SDK1: variants seen among roughly 807,000 people sequenced by gnomAD.
SDK1 encodes the protein sidekick cell adhesion molecule 1, also known as protein sidekick-1.
A neutral mutation model predicts 245.5 loss-of-function variants in SDK1; 157 were observed. That is an observed-to-expected ratio of 0.64 (90% CI 0.56 to 0.73). SDK1 has a LOEUF of 0.73. Ranked by LOEUF, SDK1 falls within the 30% of genes least tolerant of loss-of-function variation. The pLI is 0.00. For missense variants in SDK1, 3,583 were observed against 3,002.3 expected (o/e 1.19, Z -4.52); for synonymous variants, 1,647 against 1,278.5 (o/e 1.29, Z -6.15).
At chr7:3,307,286 A>G (rs1035387016) in intron 1 of SDK1, among the ~76,000 whole-genome samples, 2 of 152,042 alleles carry the variant, frequency 1.3e-5, no homozygotes, top group Non-Finnish European at 2.9e-5. Flanking sequence ...CTGAGGGAGG[A>G]CATATTTTGT....
chr7:3,688,150 C>T (rs1784345000), intron 4 of SDK1, among the ~76,000 whole-genome samples: 1 of 152,208 alleles, frequency 6.6e-6, no homozygotes, highest in African/African-American at 2.4e-5. Context: ...TTTCTGGGTG[C>T]TATAAAGACA....
chr7:4,017,401 T>G, intron 17 of SDK1, 49 bp downstream of exon 17: 4 of 1,538,664 alleles, frequency 2.6e-6, no homozygotes, highest in Non-Finnish European at 3.5e-6. Context: ...TGCCGGGGAA[T>G]GGGATTTGCA....
At chr7:3,666,559 C>G (rs973103533) in intron 4 of SDK1, among the ~76,000 whole-genome samples, 2 of 152,186 alleles carry the variant, frequency 1.3e-5, no homozygotes, top group Non-Finnish European at 2.9e-5. Flanking sequence ...GTCTTGTCTG[C>G]CGTGTGCTGC....
At chr7:3,899,476 G>C (rs1007814939) in intron 5 of SDK1, among the ~76,000 whole-genome samples, 3 of 152,208 alleles carry the variant, frequency 2.0e-5, no homozygotes, top group African/African-American at 7.2e-5. Flanking sequence ...TGTCTAGGAA[G>C]GGGGAGCAGT....
At chr7:4,117,505 C>G (rs1783789476) in intron 25 of SDK1, among the ~76,000 whole-genome samples, 1 of 152,160 alleles carries the variant, frequency 6.6e-6, no homozygotes, top group South Asian at 2.1e-4. Flanking sequence ...CATCAACACA[C>G]TCATAAGAAA....
At chr7:3,727,189 C>G (rs1397598125) in intron 4 of SDK1, among the ~76,000 whole-genome samples, 1 of 152,222 alleles carries the variant, frequency 6.6e-6, no homozygotes, top group African/African-American at 2.4e-5. Flanking sequence ...GCAAAAGTAT[C>G]ACTCACTGAT....
In SDK1 at chr7:3,935,569, T is replaced by G. The variant is rs915937373; in HGVS notation, c.848-15354T>G. Reference sequence around the variant, plus strand: ...GCTGATTTAAAAATGGGCAAAGAACTGGAATAGGCATTTCTCCAAAGAAGA... The same window carrying G: ...GCTGATTTAAAAATGGGCAAAGAACGGGAATAGGCATTTCTCCAAAGAAGA... On this transcript the variant is annotated intron_variant, in intron 5 of 44. Transcript: ENST00000404826. 2.0e-5 allele frequency among the ~76,000 whole-genome samples: 3 copies of G among 152,242 alleles called. No homozygotes were observed. In the East Asian group the frequency reaches 5.8e-4, roughly 29 times the overall value.
chr7:3,311,212 T>A (rs1249788930), intron 1 of SDK1, among the ~76,000 whole-genome samples: 1 of 151,830 alleles, frequency 6.6e-6, no homozygotes, highest in Non-Finnish European at 1.5e-5. Context: ...GTGATGGAGA[T>A]GAGTTAGGGA....
At chr7:3,441,393 A>C (rs1387478803) in intron 1 of SDK1, among the ~76,000 whole-genome samples, 1 of 152,026 alleles carries the variant, frequency 6.6e-6, no homozygotes, top group Non-Finnish European at 1.5e-5. Context: ...AAAAAAACAA[A>C]AAACAAACAA....
chr7:3,914,312 G>A (rs1216658105), intron 5 of SDK1, among the ~76,000 whole-genome samples: 1 of 152,306 alleles, frequency 6.6e-6, no homozygotes, highest in East Asian at 1.9e-4. Flanking sequence ...TTTTCAATGT[G>A]TATAATATTC....
At chr7:4,079,895 C>A (rs1439115661) in intron 22 of SDK1, among the ~76,000 whole-genome samples, 1 of 152,178 alleles carries the variant, frequency 6.6e-6, no homozygotes, top group Non-Finnish European at 1.5e-5. Context: ...TTCTATATCA[C>A]AATTAGCTAC....
intron 2 of SDK1, among the ~76,000 whole-genome samples, chr7:3,625,056 T>TTA (rs1376920570): frequency 1.3e-5 from 2 of 151,920 alleles, no homozygotes; most frequent in Admixed American, 1.3e-4. Context: ...AAAAATTAAA[T>TTA]TATATATATA....
intron 4 of SDK1, among the ~76,000 whole-genome samples, chr7:3,726,961 C>A (rs975444522): frequency 1.3e-5 from 2 of 152,228 alleles, no homozygotes; most frequent in African/African-American, 2.4e-5. Flanking sequence ...CCATTTATTG[C>A]ATACTAATCA....
intron 4 of SDK1, among the ~76,000 whole-genome samples, chr7:3,685,446 A>G (rs1010348237): frequency 1.3e-5 from 2 of 152,196 alleles, no homozygotes; most frequent in Non-Finnish European, 1.5e-5. Flanking sequence ...AACCTGTCCT[A>G]TTGGGGAAGA....
chr7:3,489,536 C>T (rs1305064699), intron 1 of SDK1, among the ~76,000 whole-genome samples: 2 of 152,162 alleles, frequency 1.3e-5, no homozygotes, highest in African/African-American at 2.4e-5. Context: ...GTTCTTCCAG[C>T]ACTGAGTGCT....
At chr7:3,550,821 A>G (rs942711378) in intron 1 of SDK1, among the ~76,000 whole-genome samples, 2 of 152,244 alleles carry the variant, frequency 1.3e-5, no homozygotes, top group South Asian at 2.1e-4. Context: ...TCATGTTTTG[A>G]TATTTCTAGA....
chr7:3,739,746 G>T (rs533626199), intron 4 of SDK1, among the ~76,000 whole-genome samples: 1 of 151,950 alleles, frequency 6.6e-6, no homozygotes, highest in African/African-American at 2.4e-5. Context: ...TTTCTGTAAA[G>T]TCTAGCATAC....
intron 4 of SDK1, among the ~76,000 whole-genome samples, chr7:3,732,342 C>T (rs1217521781): frequency 6.6e-6 from 1 of 152,074 alleles, no homozygotes; most frequent in African/African-American, 2.4e-5. Context: ...AAAAAACAGC[C>T]ACCATGTTAT....
intron 5 of SDK1, among the ~76,000 whole-genome samples, chr7:3,883,297 T>TAG (rs1292990457): frequency 1.3e-5 from 2 of 152,204 alleles, no homozygotes; most frequent in Non-Finnish European, 2.9e-5. Context: ...GCCTTGTATA[T>TAG]AGCCCTTTGC....
Sources: allele counts gnomAD v4.1 joint callset (sites outside exome capture counted in the v4.1 genomes callset), GRCh38; gene constraint gnomAD v4.1.1; transcripts MANE v1.5; gene names NCBI Gene and HGNC (gene_info 2026-07-23, HGNC 2026-07-21).